Variants in SERTM1 observed in about 807,000 individuals in gnomAD.
SERTM1 encodes serine-rich and transmembrane domain-containing protein 1.
Under a neutral mutation model 5.5 loss-of-function variants are expected in SERTM1, and 1 was observed. The observed-to-expected ratio is 0.18, with a 90% CI of 0.06 to 0.86. The LOEUF (loss-of-function observed/expected upper bound fraction) is 0.86, where lower values mean the gene tolerates loss of function less well. SERTM1 is among the 40% of genes least tolerant of loss of function. The pLI is 0.69. For missense variants in SERTM1, 91 were observed against 122.4 expected (o/e 0.74, Z 1.21); for synonymous variants, 52 against 55.1 (o/e 0.94, Z 0.25).
chr13:36,679,071 C>G (rs1441695119), intron 1 of SERTM1, among the ~76,000 whole-genome samples: 1 of 152,004 alleles, frequency 6.6e-6, no homozygotes, highest in South Asian at 2.1e-4. Flanking sequence ...GTACACAGAT[C>G]ATAAAGACAT....
At chr13:36,674,347 G>A (rs965332119) in intron 1 of SERTM1, among the ~76,000 whole-genome samples, 163 bp downstream of exon 1, 2 of 151,962 alleles carry the variant, frequency 1.3e-5, no homozygotes, top group East Asian at 3.9e-4. Flanking sequence ...TCCTTTCTGA[G>A]AAACACCCCC....
intron 1 of SERTM1, among the ~76,000 whole-genome samples, chr13:36,681,301 G>A (rs1420390780): frequency 6.6e-6 from 1 of 152,174 alleles, no homozygotes; most frequent in Non-Finnish European, 1.5e-5. Flanking sequence ...GATGAAGGAA[G>A]CACTGTATTT....
At chr13:36,674,827 T>G (rs1376611191) in intron 1 of SERTM1, among the ~76,000 whole-genome samples, 1 of 152,114 alleles carries the variant, frequency 6.6e-6, no homozygotes, top group Admixed American at 6.5e-5. Context: ...GCTGAACACT[T>G]GCGTTTCCCA....
chr13:36,687,649 A>G (rs946450494), intron 1 of SERTM1, among the ~76,000 whole-genome samples: 1 of 152,184 alleles, frequency 6.6e-6, no homozygotes, highest in African/African-American at 2.4e-5. Flanking sequence ...ATCAAGCTTC[A>G]ACTATCAAGA....
intron 1 of SERTM1, among the ~76,000 whole-genome samples, chr13:36,689,270 C>T (rs925290918): frequency 2.6e-5 from 4 of 152,032 alleles, no homozygotes; most frequent in African/African-American, 7.2e-5. Context: ...GTTTGGGAGG[C>T]CAAGATGGGC....
chr13:36,693,178 G>C (rs759108980), intron 1 of SERTM1, among the ~76,000 whole-genome samples: 8 of 152,124 alleles, frequency 5.3e-5, no homozygotes, highest in Non-Finnish European at 8.8e-5. Context: ...TATTTCCTCT[G>C]CTACACTTAG....
chr13:36,674,858 C>T (rs1303029433), intron 1 of SERTM1, among the ~76,000 whole-genome samples: 1 of 152,078 alleles, frequency 6.6e-6, no homozygotes, highest in Non-Finnish European at 1.5e-5. Flanking sequence ...CCCTAGCTCC[C>T]GGAAACCCAG....
intron 1 of SERTM1, among the ~76,000 whole-genome samples, chr13:36,691,293 C>T (rs575200015): frequency 6.6e-5 from 10 of 152,124 alleles, no homozygotes; most frequent in Admixed American, 5.9e-4. Context: ...ATAATCCTTC[C>T]GTGGGAAGGA....
intron 1 of SERTM1, among the ~76,000 whole-genome samples, chr13:36,688,855 C>G (rs2056759254): frequency 6.6e-6 from 1 of 152,154 alleles, no homozygotes; most frequent in African/African-American, 2.4e-5. Context: ...TTTTCTCCTG[C>G]TCTCTAAAAG....
chr13:36,694,607 G>A (rs2056800695), intron 1 of SERTM1, among the ~76,000 whole-genome samples: 1 of 152,200 alleles, frequency 6.6e-6, no homozygotes, highest in African/African-American at 2.4e-5. Flanking sequence ...TGTATACTTG[G>A]AGCATCTATT....
chr13:36,676,911 C>T (rs1311325567), intron 1 of SERTM1, among the ~76,000 whole-genome samples: 1 of 152,192 alleles, frequency 6.6e-6, no homozygotes, highest in East Asian at 1.9e-4. Context: ...TTTTAGCCAA[C>T]ATGTGTGCCT....
chr13:36,674,931 C>T (rs1193137238), intron 1 of SERTM1, among the ~76,000 whole-genome samples: 1 of 152,158 alleles, frequency 6.6e-6, no homozygotes, highest in Non-Finnish European at 1.5e-5. Context: ...GGAATCCTGC[C>T]TTTCCCTGTC....
At chr13:36,683,854 G>A (rs149546641) in intron 1 of SERTM1, among the ~76,000 whole-genome samples, 5 of 152,310 alleles carry the variant, frequency 3.3e-5, no homozygotes, top group African/African-American at 1.2e-4. Context: ...AACAGCACTA[G>A]TGACTACAAG....
chr13:36,696,985 A>G lies in SERTM1; in HGVS notation c.*1583A>G, dbSNP rs2056818679. 1 of 167,014 alleles carries G rather than the reference A, an allele frequency of 6.0e-6. No individual in the cohort carries two copies. Among genetic ancestry groups the G allele is most frequent in the African/African-American group, 2.4e-5 (1 of 41,418 alleles). The allele number at this position is 167,014 out of a possible 1,614,324, so 10.3% of individuals were successfully genotyped here. Reference sequence around the variant, plus strand: ...ACAGGGTTTATCTTTATCATACTAAAATGCTGAGTGAGTGGAGGTCTGGGA... The same window carrying G: ...ACAGGGTTTATCTTTATCATACTAAGATGCTGAGTGAGTGGAGGTCTGGGA... On this transcript the variant is annotated 3_prime_UTR_variant, in exon 2 of 2. Coordinates refer to ENST00000315190, the MANE Select transcript of SERTM1 (RefSeq NM_203451.3).
intron 1 of SERTM1, among the ~76,000 whole-genome samples, chr13:36,675,230 T>G (rs2056662362): frequency 6.6e-6 from 1 of 152,220 alleles, no homozygotes; most frequent in African/African-American, 2.4e-5. Context: ...CAGTGTTCTT[T>G]GTGGTAAATG....
intron 1 of SERTM1, among the ~76,000 whole-genome samples, chr13:36,676,437 G>A (rs928843141): frequency 4.0e-5 from 6 of 151,860 alleles, no homozygotes; most frequent in African/African-American, 1.5e-4. Context: ...AGTTTGTACA[G>A]TTTGTACGAG....
At chr13:36,684,273 G>A (rs1018558906) in intron 1 of SERTM1, among the ~76,000 whole-genome samples, 3 of 151,820 alleles carry the variant, frequency 2.0e-5, no homozygotes, top group Non-Finnish European at 2.9e-5. Context: ...CTCCAGCCTG[G>A]GCGACAGAGC....
chr13:36,686,038 G>A (rs2056738840), intron 1 of SERTM1, among the ~76,000 whole-genome samples: 1 of 152,186 alleles, frequency 6.6e-6, no homozygotes, highest in Non-Finnish European at 1.5e-5. Context: ...GATGATGTAA[G>A]ATGCACATAA....
chr13:36,695,138 T>C lies in SERTM1; in HGVS notation c.60T>C (p.Leu20=), dbSNP rs1321670148. ...GAAGTGTGGAGAATGGAACTTTTCT[T>C]GAGCTGTTTCCCACATCCCTGTCCA... The part of the protein sequence containing the change: ...FSGSVENGTF[L]ELFPTSLSTS... Residue 20 remains leucine (L), a synonymous_variant, in exon 2 of 2, where the codon CTT becomes CTC. Coordinates refer to ENST00000315190, the MANE Select transcript of SERTM1 (RefSeq NM_203451.3). 6.2e-7 allele frequency: 1 copy of C among 1,614,104 alleles called. No homozygotes were observed. Among genetic ancestry groups the C allele is most frequent in the Non-Finnish European group, 8.5e-7 (1 of 1,180,038 alleles).
Sources: allele counts gnomAD v4.1 joint callset (sites outside exome capture counted in the v4.1 genomes callset), GRCh38; gene constraint gnomAD v4.1.1; transcripts MANE v1.5; gene names NCBI Gene and HGNC (gene_info 2026-07-23, HGNC 2026-07-21).